CSMD1: variants seen among roughly 807,000 people sequenced by gnomAD.
CSMD1 encodes the protein CUB and sushi domain-containing protein 1.
CSMD1 carries 213 observed loss-of-function variants against 417.5 expected under a neutral mutation model. That is an observed-to-expected ratio of 0.51 (90% confidence interval 0.46 to 0.57). CSMD1 has a LOEUF of 0.57. Among genes scored for constraint, CSMD1 ranks in the 20% least tolerant of loss-of-function variants. The pLI is 0.00. For synonymous variants in CSMD1, 2,862 were observed against 1,736.8 expected (o/e 1.65, Z -16.11); for missense variants, 6,923 against 4,529.7 (o/e 1.53, Z -15.17).
rs1296739130 is a variant in CSMD1 at position 3,408,146 on chromosome 8, C to T, written c.1824G>A (p.Met608Ile). ...PNYPEEYGNN[M>I]NCVWLIISEP... ...CCGAGATAATCAACCAGACACAGTT[C>T]ATGTTGTTCCCATATTCCTCTGGAT... Residue 608 changes from methionine to isoleucine, a missense_variant, in exon 14 of 70, where the codon ATG becomes ATA. Physicochemically the swap from Met to Ile is conservative, Grantham distance 10 (BLOSUM62 1). Coordinates refer to ENST00000635120, the MANE Select transcript of CSMD1 (RefSeq NM_033225.6). The T allele has an allele frequency of 2.5e-6, 4 of 1,613,318 alleles. No individual in the cohort carries two copies. Among genetic ancestry groups the T allele is most frequent in the Non-Finnish European group, 3.4e-6 (4 of 1,179,630 alleles).
At chr8:4,828,579 T>G (rs767649323) in intron 1 of CSMD1, among the ~76,000 whole-genome samples, 2 of 152,158 alleles carry the variant, frequency 1.3e-5, no homozygotes, top group African/African-American at 2.4e-5. Flanking sequence ...CAGACTGTTG[T>G]GCCTACCACC....
chr8:3,763,520 G>T (rs895715701), intron 5 of CSMD1, among the ~76,000 whole-genome samples: 7 of 152,088 alleles, frequency 4.6e-5, no homozygotes, highest in Non-Finnish European at 8.8e-5. Context: ...ACCTTCTACT[G>T]TGAATAAAAA....
At chr8:3,721,025 G>C (rs993341416) in intron 6 of CSMD1, among the ~76,000 whole-genome samples, 3 of 151,990 alleles carry the variant, frequency 2.0e-5, no homozygotes, top group Admixed American at 6.5e-5. Flanking sequence ...GTTTCACCAT[G>C]TTAGTCACGC....
At chr8:4,437,890 C>G (rs1266754265) in intron 2 of CSMD1, among the ~76,000 whole-genome samples, 1 of 152,098 alleles carries the variant, frequency 6.6e-6, no homozygotes, top group Non-Finnish European at 1.5e-5. Flanking sequence ...CAAGTGGTCT[C>G]ACCTGAGAAG....
At chr8:4,350,689 G>T (rs1010374403) in intron 3 of CSMD1, among the ~76,000 whole-genome samples, 1 of 152,194 alleles carries the variant, frequency 6.6e-6, no homozygotes, top group African/African-American at 2.4e-5. Context: ...TTTCATCACT[G>T]ATGTCAAGGT....
At chr8:4,615,005 G>C (rs1324544625) in intron 2 of CSMD1, among the ~76,000 whole-genome samples, 12 of 152,090 alleles carry the variant, frequency 7.9e-5, no homozygotes, top group Non-Finnish European at 1.8e-4. Context: ...CCTGAAATCA[G>C]AATTGGTGGA....
At chr8:3,292,882 G>A (rs930773331) in intron 25 of CSMD1, among the ~76,000 whole-genome samples, 1 of 151,258 alleles carries the variant, frequency 6.6e-6, no homozygotes, top group Middle Eastern at 3.2e-3. Flanking sequence ...ATGTTAGCTG[G>A]TTATTTTGCT....
intron 26 of CSMD1, among the ~76,000 whole-genome samples, chr8:3,233,427 C>T (rs1186584590): frequency 6.6e-6 from 1 of 152,204 alleles, no homozygotes; most frequent in East Asian, 1.9e-4. Context: ...ACTTCTCAGC[C>T]AGCATATTTG....
intron 32 of CSMD1, among the ~76,000 whole-genome samples, chr8:3,200,416 G>C (rs552496925): frequency 8.6e-5 from 13 of 151,826 alleles, no homozygotes; most frequent in Admixed American, 8.5e-4. Context: ...TTAGCCAGGC[G>C]TGGTGGTGCA....
chr8:4,955,456 CTT>C (rs373701682), intron 1 of CSMD1, among the ~76,000 whole-genome samples: 10 of 145,334 alleles, frequency 6.9e-5, no homozygotes, highest in African/African-American at 1.0e-4. Flanking sequence ...TCTCACCTCT[CTT>C]TTTTTTTTTT....
At chr8:4,334,151 C>G (rs930677835) in intron 3 of CSMD1, among the ~76,000 whole-genome samples, 2 of 152,126 alleles carry the variant, frequency 1.3e-5, no homozygotes, top group Non-Finnish European at 2.9e-5. Context: ...AAGATATCCT[C>G]TGGCCTCAGC....
At chr8:4,564,869 T>C (rs1798516544) in intron 2 of CSMD1, among the ~76,000 whole-genome samples, 1 of 152,266 alleles carries the variant, frequency 6.6e-6, no homozygotes, top group Non-Finnish European at 1.5e-5. Context: ...CTATTTTTTC[T>C]GTGTCTTGTT....
intron 28 of CSMD1, among the ~76,000 whole-genome samples, chr8:3,220,642 C>T (rs1056438923): frequency 6.6e-6 from 1 of 152,020 alleles, no homozygotes; most frequent in African/African-American, 2.4e-5. Flanking sequence ...AACAGCCTGG[C>T]CAATATGGTG....
At chr8:4,945,521 C>T (rs1292911867) in intron 1 of CSMD1, among the ~76,000 whole-genome samples, 1 of 130,716 alleles carries the variant, frequency 7.7e-6, no homozygotes, top group Non-Finnish European at 1.6e-5. Flanking sequence ...AGAGGAAGGA[C>T]ATGAAAAAAA....
chr8:4,452,946 G>A (rs761643918), intron 2 of CSMD1, among the ~76,000 whole-genome samples: 5 of 152,252 alleles, frequency 3.3e-5, no homozygotes, highest in East Asian at 1.9e-4. Flanking sequence ...GTTAAATAGC[G>A]TTGATTTTTC....
chr8:3,561,795 A>G (rs1799476773), intron 10 of CSMD1, among the ~76,000 whole-genome samples: 1 of 148,896 alleles, frequency 6.7e-6, no homozygotes, highest in Non-Finnish European at 1.5e-5. Context: ...TTAAAAACAG[A>G]AAAAGAAAAA....
chr8:4,862,212 G>T (rs1802178337), intron 1 of CSMD1, among the ~76,000 whole-genome samples: 1 of 152,124 alleles, frequency 6.6e-6, no homozygotes, highest in East Asian at 1.9e-4. Flanking sequence ...GGCCTGGGGG[G>T]CTTGAATACA....
At chr8:4,024,046 G>A (rs149299720) in intron 4 of CSMD1, among the ~76,000 whole-genome samples, 1 of 151,920 alleles carries the variant, frequency 6.6e-6, no homozygotes, top group Non-Finnish European at 1.5e-5. Context: ...AGAACATAGA[G>A]GCCAAAACAG....
intron 3 of CSMD1, among the ~76,000 whole-genome samples, chr8:4,201,147 T>C (rs1799621396): frequency 6.6e-6 from 1 of 152,144 alleles, no homozygotes; most frequent in South Asian, 2.1e-4. Context: ...CTTTGTAGAA[T>C]TAAAATGACT....
Sources: allele counts gnomAD v4.1 joint callset (sites outside exome capture counted in the v4.1 genomes callset), GRCh38; gene constraint gnomAD v4.1.1; transcripts MANE v1.5; gene names NCBI Gene and HGNC (gene_info 2026-07-23, HGNC 2026-07-21).